FLT1: variants seen among roughly 807,000 people sequenced by gnomAD.
The protein encoded by FLT1 is vascular endothelial growth factor receptor 1.
A neutral mutation model predicts 156.3 loss-of-function variants in FLT1; 49 were observed. The ratio of observed to expected loss-of-function variants is 0.31; its 90% CI spans 0.25 to 0.40. The LOEUF (loss-of-function observed/expected upper bound fraction) is 0.40. FLT1 is among the 10% of genes least tolerant of loss of function. The pLI, the probability that FLT1 is intolerant of heterozygous loss-of-function variation, is 1.00. For synonymous variants in FLT1, 594 were observed against 583.8 expected (o/e 1.02, Z -0.25); for missense variants, 1,322 against 1,637.2 (o/e 0.81, Z 3.32).
rs148975758 is a variant in FLT1 at position 28,305,979 on chromosome 13, T to C, written c.3815+699A>G. 7.9e-3 allele frequency among the ~76,000 whole-genome samples: 1,204 copies of C among 152,272 alleles called. 13 individuals carry two copies. The highest frequency in any genetic ancestry group is 0.027 in the African/African-American group (1,129 of 41,538). Reference sequence around the variant, plus strand: ...ATTTAGGTGAAAGAGGAAAAGGTTCTGCCTTCGGGTGAGACAGGGACAGGC... The same window carrying C: ...ATTTAGGTGAAAGAGGAAAAGGTTCCGCCTTCGGGTGAGACAGGGACAGGC... On this transcript the variant is annotated intron_variant, in intron 29 of 29. Transcript: ENST00000282397.
At chr13:28,464,647 T>C (rs1388060660) in intron 3 of FLT1, among the ~76,000 whole-genome samples, 1 of 152,232 alleles carries the variant, frequency 6.6e-6, no homozygotes, top group Admixed American at 6.5e-5. Context: ...GATTTGACAC[T>C]CAAAGTCATG....
intron 3 of FLT1, among the ~76,000 whole-genome samples, chr13:28,452,010 T>A (rs1241972492): frequency 4.6e-5 from 7 of 152,172 alleles, no homozygotes; most frequent in South Asian, 2.1e-4. Context: ...GTTTCCAGTT[T>A]TTAAAGATAA....
chr13:28,394,710 C>G (rs1035715923), intron 12 of FLT1, among the ~76,000 whole-genome samples: 7 of 152,118 alleles, frequency 4.6e-5, no homozygotes. Flanking sequence ...CTGTTCTGGT[C>G]GCAGCTCTTC....
chr13:28,408,493 T>C (rs779794282), intron 10 of FLT1, among the ~76,000 whole-genome samples: 10 of 152,214 alleles, frequency 6.6e-5, no homozygotes, highest in Non-Finnish European at 1.0e-4. Context: ...TTAGAAGCCT[T>C]ACTATATAAC....
chr13:28,372,060 ATATATATATATATATATTT>A (rs1331048890), intron 14 of FLT1, among the ~76,000 whole-genome samples: 2 of 73,034 alleles, frequency 2.7e-5, no homozygotes, highest in Non-Finnish European at 4.9e-5. Flanking sequence ...ATATATATAT[ATATATATATATATATATTT>A]TTTTTTTTTT....
At chr13:28,482,925 C>T (rs928651517) in intron 1 of FLT1, among the ~76,000 whole-genome samples, 2 of 152,202 alleles carry the variant, frequency 1.3e-5, no homozygotes, top group African/African-American at 4.8e-5. Flanking sequence ...GGGATGGGAG[C>T]TTGAGTGGCT....
At chr13:28,442,964 A>G (rs1294921001) in intron 3 of FLT1, among the ~76,000 whole-genome samples, 1 of 152,190 alleles carries the variant, frequency 6.6e-6, no homozygotes, top group East Asian at 1.9e-4. Context: ...ATGACTTCCA[A>G]TCCCAGCCAG....
At chr13:28,395,053 G>A (rs1874960816) in intron 12 of FLT1, among the ~76,000 whole-genome samples, 1 of 152,124 alleles carries the variant, frequency 6.6e-6, no homozygotes, top group Non-Finnish European at 1.5e-5. Context: ...GGGGAGGTGG[G>A]TGATTTAGTT....
chr13:28,427,182 A>G lies in FLT1; in HGVS notation c.1413T>C (p.Cys471=). The part of the protein sequence containing the change: ...QPTIKWFWHP[C]NHNHSEARCD... ...ACCTTGCTTCGGAATGATTATGGTT[A>G]CAGGGGTGCCAGAACCACTTGATTG... Residue 471 remains cysteine (C), a synonymous_variant, in exon 10 of 30, where the codon TGT becomes TGC. Coordinates refer to ENST00000282397, the MANE Select transcript of FLT1 (RefSeq NM_002019.4). The G allele has an allele frequency of 6.2e-7, 1 of 1,614,088 alleles. No individual in the cohort carries two copies. Among genetic ancestry groups the G allele is most frequent in the Middle Eastern group, 1.6e-4 (1 of 6,062 alleles).
At chr13:28,399,208 T>A in intron 11 of FLT1, 1 of 797,950 alleles carries the variant, frequency 1.3e-6, no homozygotes, top group Non-Finnish European at 1.9e-6. Flanking sequence ...ATGCAAAAAA[T>A]TCAGAAACAA....
intron 28 of FLT1, among the ~76,000 whole-genome samples, chr13:28,307,040 T>C (rs1870780275): frequency 6.6e-6 from 1 of 152,234 alleles, no homozygotes; most frequent in African/African-American, 2.4e-5. Context: ...AGTAACAGGT[T>C]AGCATTTTCC....
intron 20 of FLT1, among the ~76,000 whole-genome samples, chr13:28,327,144 G>A (rs961445949): frequency 3.3e-5 from 5 of 152,200 alleles, no homozygotes; most frequent in East Asian, 1.9e-4. Flanking sequence ...GTATGTTTGC[G>A]TGTATGTACA....
chr13:28,409,704 G>C (rs1409129950), intron 10 of FLT1, among the ~76,000 whole-genome samples: 1 of 152,118 alleles, frequency 6.6e-6, no homozygotes, highest in African/African-American at 2.4e-5. Context: ...TTCAGAACCT[G>C]TGCACTTGAC....
At chr13:28,312,951 A>ATTTTATTTTTAT (rs60905945) in intron 25 of FLT1, among the ~76,000 whole-genome samples, 8 of 142,890 alleles carry the variant, frequency 5.6e-5, no homozygotes, top group African/African-American at 2.1e-4. Context: ...CTTCTCTTAC[A>ATTTTATTTTTAT]TTTTATTTTT....
chr13:28,489,841 G>C lies in FLT1; in HGVS notation c.64+4939C>G, dbSNP rs1298185083. ...AGGATACCAAGTGCTCGTAAGGAAAGTTAATCTTCTCATCAAATCTCTTGG... is the reference window on the plus strand; with the variant it reads ...AGGATACCAAGTGCTCGTAAGGAAACTTAATCTTCTCATCAAATCTCTTGG... On this transcript the variant is annotated intron_variant, in intron 1 of 29. Transcript: ENST00000282397. 3.3e-5 allele frequency among the ~76,000 whole-genome samples: 5 copies of C among 152,270 alleles called. No individual in the cohort carries two copies. In the East Asian group the frequency reaches 7.7e-4, roughly 23 times the overall value.
chr13:28,447,277 C>G (rs1225298028), intron 3 of FLT1, among the ~76,000 whole-genome samples: 1 of 151,598 alleles, frequency 6.6e-6, no homozygotes, highest in African/African-American at 2.4e-5. Flanking sequence ...ATCCCAGGCG[C>G]AAGTGATGCC....
At chr13:28,419,707 G>A (rs1328477199) in intron 10 of FLT1, among the ~76,000 whole-genome samples, 2 of 152,164 alleles carry the variant, frequency 1.3e-5, no homozygotes, top group Non-Finnish European at 2.9e-5. Context: ...GCGAAACCGC[G>A]TCTCTACTAA....
intron 15 of FLT1, among the ~76,000 whole-genome samples, chr13:28,351,629 G>A (rs1008086135): frequency 6.6e-6 from 1 of 152,202 alleles, no homozygotes; most frequent in Non-Finnish European, 1.5e-5. Context: ...GGACAGTGAT[G>A]TATGGAAATG....
intron 14 of FLT1, among the ~76,000 whole-genome samples, chr13:28,361,414 A>AT (rs1873110216): frequency 1.3e-5 from 2 of 152,150 alleles, no homozygotes; most frequent in Non-Finnish European, 2.9e-5. Context: ...TATAACAAAT[A>AT]TTTTTTGAGC....
Sources: allele counts gnomAD v4.1 joint callset (sites outside exome capture counted in the v4.1 genomes callset), GRCh38; gene constraint gnomAD v4.1.1; transcripts MANE v1.5; gene names NCBI Gene and HGNC (gene_info 2026-07-23, HGNC 2026-07-21).